LAMB4: variants seen among roughly 807,000 people sequenced by gnomAD.
LAMB4 encodes the protein laminin subunit beta 4.
Under a neutral mutation model 199.2 loss-of-function variants are expected in LAMB4, and 196 were observed. That is an observed-to-expected ratio of 0.98 (90% CI 0.88 to 1.11). The LOEUF (loss-of-function observed/expected upper bound fraction) is 1.11, where lower values mean the gene tolerates loss of function less well. Ranked by LOEUF, LAMB4 falls within the 50% of genes least tolerant of loss-of-function variation. LAMB4 has a pLI of 0.00. For synonymous variants in LAMB4, 744 were observed against 770.6 expected (o/e 0.97, Z 0.57); for missense variants, 2,080 against 2,171.2 (o/e 0.96, Z 0.83).
At chr7:108,054,284 C>G (rs966493266) in intron 25 of LAMB4, among the ~76,000 whole-genome samples, 4 of 152,192 alleles carry the variant, frequency 2.6e-5, no homozygotes, top group African/African-American at 9.6e-5. Context: ...CACCTGCCAG[C>G]TTGACCCTGG....
At position 108,068,079 on chromosome 7, in the gene LAMB4, C is replaced by G. The variant is rs767879041; in HGVS notation, c.2383G>C (p.Val795Leu). ...GAGCACCTGTCACAGCAGCGCCCGA[C>G]CACAAGAGGTTTACACTGGCACTGG... ...GGQCQCKPLVVGRCCDRCSTG... is the reference protein window; with the variant it reads ...GGQCQCKPLVLGRCCDRCSTG... Residue 795 changes from valine to leucine, a missense_variant, in exon 19 of 34, where the codon GTC becomes CTC. Coordinates refer to ENST00000388781, the MANE Select transcript of LAMB4 (RefSeq NM_007356.3). The G allele has an allele frequency of 1.2e-6, 2 of 1,614,064 alleles. No homozygotes were observed. The highest frequency in any genetic ancestry group is 2.7e-5 in the African/African-American group (2 of 74,934).
At chr7:108,109,293 T>C (rs1434605450) in intron 4 of LAMB4, 49 bp from the exon 5 acceptor site, 2 of 1,324,486 alleles carry the variant, frequency 1.5e-6, no homozygotes, top group African/African-American at 2.9e-5. Flanking sequence ...GAGAGACTTC[T>C]GCTTATCATG....
At chr7:108,076,103 A>G (rs961154743) in intron 17 of LAMB4, among the ~76,000 whole-genome samples, 11 of 152,190 alleles carry the variant, frequency 7.2e-5, no homozygotes, top group African/African-American at 2.7e-4. Context: ...GTAGTAATAT[A>G]TATCAAATAT....
intron 14 of LAMB4, among the ~76,000 whole-genome samples, chr7:108,089,091 A>G (rs931377145): frequency 2.0e-5 from 3 of 152,172 alleles, no homozygotes; most frequent in African/African-American, 4.8e-5. Flanking sequence ...TGAAAATGCT[A>G]TATAAACTAC....
intron 33 of LAMB4, among the ~76,000 whole-genome samples, chr7:108,025,112 T>C (rs1317108727): frequency 6.6e-6 from 1 of 152,196 alleles, no homozygotes; most frequent in African/African-American, 2.4e-5. Flanking sequence ...AAACATTGAA[T>C]TAACTGGTGA....
intron 30 of LAMB4, among the ~76,000 whole-genome samples, chr7:108,037,177 G>A (rs1487199379): frequency 6.6e-6 from 1 of 152,006 alleles, no homozygotes; most frequent in Non-Finnish European, 1.5e-5. Context: ...TTGAGTCTAA[G>A]AAAACAGGAA....
intron 17 of LAMB4, among the ~76,000 whole-genome samples, chr7:108,074,079 A>C (rs1474909564): frequency 1.3e-5 from 2 of 152,128 alleles, no homozygotes; most frequent in African/African-American, 4.8e-5. Context: ...GCCTGAGGCC[A>C]CACTTCAGTG....
At chr7:108,037,097 A>G (rs1374579793) in intron 30 of LAMB4, among the ~76,000 whole-genome samples, 1 of 152,088 alleles carries the variant, frequency 6.6e-6, no homozygotes, top group Non-Finnish European at 1.5e-5. Flanking sequence ...AAGTATTGGC[A>G]TATAATGAGT....
chr7:108,064,893 C>CT lies in LAMB4; in HGVS notation c.2836+868dup, dbSNP rs59452561. 8.7e-3 allele frequency among the ~76,000 whole-genome samples: 1,201 copies of CT among 138,824 alleles called. 7 individuals are homozygous for CT. The highest frequency in any genetic ancestry group is 0.015 in the Middle Eastern group (4 of 272). The allele number at this position is 138,824 out of a possible 152,430, so 91.1% of individuals were successfully genotyped here. On this transcript the variant is annotated intron_variant, in intron 21 of 33. Coordinates refer to ENST00000388781, the MANE Select transcript of LAMB4 (RefSeq NM_007356.3). ...ACACTCATGTTTCATGTGTAAATAC[C>CT]TTTTTTTTTTTTTTTTTAATTTAGA...
chr7:108,019,905 T>C (rs2034654247), downstream of LAMB4, among the ~76,000 whole-genome samples: 1 of 152,148 alleles, frequency 6.6e-6, no homozygotes, highest in African/African-American at 2.4e-5. Context: ...TGTGATTGGT[T>C]TCTAATCTGG....
At chr7:108,109,659 A>G (rs2038147897) in intron 4 of LAMB4, among the ~76,000 whole-genome samples, 1 of 152,252 alleles carries the variant, frequency 6.6e-6, no homozygotes, top group South Asian at 2.1e-4. Context: ...AAGAGCTGCT[A>G]TAGTCATTTG....
chr7:108,035,587 G>A (rs1344865071), intron 30 of LAMB4, among the ~76,000 whole-genome samples: 1 of 73,984 alleles, frequency 1.4e-5, no homozygotes, highest in Non-Finnish European at 2.6e-5. Flanking sequence ...GCTTATTATA[G>A]CAAATTTAGA....
At chr7:108,016,275 ATTTTTTTTTT>A in the LAMB4 span, among the ~76,000 whole-genome samples, 391 of 97,870 alleles carry the variant, frequency 4.0e-3, 3 homozygotes, top group African/African-American at 0.018. Flanking sequence ...GCATTTTGGA[ATTTTTTTTTT>A]TTTTTTTTTT....
Position 108,030,819 on chromosome 7 carries a change from C to G in LAMB4, c.4979G>C (p.Gly1660Ala), listed in dbSNP as rs778755345. 2 of 1,613,982 alleles carry G rather than the reference C, an allele frequency of 1.2e-6. No individual in the cohort carries two copies. The change falls in exon 32 of 34, where the codon GGG becomes GCG. Residue 1660 changes from glycine (G) to alanine (A), a missense_variant. By Grantham distance (60) the Gly-to-Ala change is moderately conservative (BLOSUM62 0). Coordinates refer to ENST00000388781, the MANE Select transcript of LAMB4 (RefSeq NM_007356.3). ...VQAESAQHQA[G>A]SLEKEFVELK... ...AGAACTAATGACCTTCTCAAGACTC[C>G]CAGCCTGGTGTTGGGCAGATTCAGC...
rs2038068697 is a variant in LAMB4, at chr7:108,107,622, A to G, written c.591+9T>C. 1 of 1,567,380 alleles carries G rather than the reference A, an allele frequency of 6.4e-7. No individual in the cohort carries two copies. Among genetic ancestry groups the G allele is most frequent in the Non-Finnish European group, 8.6e-7 (1 of 1,159,804 alleles). On this transcript the variant is annotated intron_variant, in intron 6 of 33. Transcript: ENST00000388781. ...TTATACAAAATAAATACAAGGAAGG[A>G]AATGCTACCTCTCCACCTGTTGAGG...
At chr7:108,081,446 G>A (rs775279398) in intron 14 of LAMB4, among the ~76,000 whole-genome samples, 9 of 152,184 alleles carry the variant, frequency 5.9e-5, no homozygotes, top group East Asian at 3.9e-4. Context: ...ACCATGTCTC[G>A]CTCTGCTCTT....
At chr7:108,017,938 A>G in the LAMB4 span, among the ~76,000 whole-genome samples, 51 of 152,382 alleles carry the variant, frequency 3.3e-4, no homozygotes, top group African/African-American at 1.2e-3. Context: ...CATGAAATTC[A>G]GGCAGGCTGT....
the LAMB4 span, among the ~76,000 whole-genome samples, chr7:108,014,539 A>C: frequency 6.6e-6 from 1 of 152,186 alleles, no homozygotes; most frequent in South Asian, 2.1e-4. Flanking sequence ...TCATCTCCCC[A>C]AAGTGGGTTA....
At chr7:108,019,021 C>T (rs973803934), downstream of LAMB4, among the ~76,000 whole-genome samples, 3 of 152,128 alleles carry the variant, frequency 2.0e-5, no homozygotes, top group African/African-American at 7.2e-5. Context: ...TCTCCATATT[C>T]CCACCCAATT....
Sources: allele counts gnomAD v4.1 joint callset (sites outside exome capture counted in the v4.1 genomes callset), GRCh38; gene constraint gnomAD v4.1.1; transcripts MANE v1.5; gene names NCBI Gene and HGNC (gene_info 2026-07-23, HGNC 2026-07-21).